The following SLC24A2 variants were observed in gnomAD, a reference collection of about 807,000 sequenced individuals.
SLC24A2 encodes the protein sodium/potassium/calcium exchanger 2.
A neutral mutation model predicts 62.0 loss-of-function variants in SLC24A2; 36 were observed. That is an observed-to-expected ratio of 0.58 (90% CI 0.44 to 0.77). The LOEUF is 0.77. SLC24A2 is among the 30% of genes least tolerant of loss of function. The pLI, the probability that SLC24A2 is intolerant of heterozygous loss-of-function variation, is 0.00. For missense variants in SLC24A2, 846 were observed against 817.9 expected, an observed-to-expected ratio of 1.03 and a Z score of -0.42; for synonymous variants, 358 against 294.0, an observed-to-expected ratio of 1.22 and a Z score of -2.23.
chr9:19,841,412 G>A, the SLC24A2 span, among the ~76,000 whole-genome samples: 1 of 152,134 alleles, frequency 6.6e-6, no homozygotes, highest in Non-Finnish European at 1.5e-5. Flanking sequence ...CTTGGTAAAA[G>A]AAGAGCAAGG....
At chr9:19,976,830 C>T in the SLC24A2 span, among the ~76,000 whole-genome samples, 1 of 152,132 alleles carries the variant, frequency 6.6e-6, no homozygotes, top group African/African-American at 2.4e-5. Context: ...CAGTATTCTG[C>T]TATTTGTCTG....
chr9:19,661,157 T>TA (rs1474591617), intron 2 of SLC24A2, among the ~76,000 whole-genome samples: 25 of 151,848 alleles, frequency 1.6e-4, no homozygotes, highest in African/African-American at 5.8e-4. Flanking sequence ...AGAAACACGG[T>TA]AAAAAATCTT....
At chr9:19,554,116 G>A (rs1391351877) in intron 7 of SLC24A2, among the ~76,000 whole-genome samples, 1 of 152,110 alleles carries the variant, frequency 6.6e-6, no homozygotes, top group Non-Finnish European at 1.5e-5. Flanking sequence ...GAGAAGATTA[G>A]GACACCTAGA....
chr9:19,745,566 T>C (rs757816450), intron 2 of SLC24A2, among the ~76,000 whole-genome samples: 16 of 152,136 alleles, frequency 1.1e-4, no homozygotes, highest in South Asian at 2.1e-4. Flanking sequence ...TCCAAGGCGA[T>C]TGTGATGGCT....
rs114801826 is a variant in SLC24A2, at chr9:19,568,107, G to A, written c.1347+5244C>T. On this transcript the variant is annotated intron_variant, in intron 7 of 10. Transcript: ENST00000341998. ...TCAGGATGCGCACCTCACTCTTAACGGAACTTGCTAAAAATACAACTCAAA... is the reference window on the plus strand; with the variant it reads ...TCAGGATGCGCACCTCACTCTTAACAGAACTTGCTAAAAATACAACTCAAA... 4.1e-3 allele frequency among the ~76,000 whole-genome samples: 620 copies of A among 152,150 alleles called. 11 individuals are homozygous for A. Among genetic ancestry groups the A allele is most frequent in the African/African-American group, 0.014 (580 of 41,488 alleles).
chr9:19,761,790 G>A (rs535828501), intron 2 of SLC24A2, among the ~76,000 whole-genome samples: 53 of 152,204 alleles, frequency 3.5e-4, no homozygotes, highest in African/African-American at 9.6e-4. Flanking sequence ...CTTCATCCAC[G>A]TCCCTACAAA....
chr9:19,979,915 C>T, the SLC24A2 span, among the ~76,000 whole-genome samples: 1 of 152,182 alleles, frequency 6.6e-6, no homozygotes, highest in East Asian at 1.9e-4. Context: ...ATGGGAATGG[C>T]TACTCACCAA....
chr9:20,233,451 T>C, the SLC24A2 span, among the ~76,000 whole-genome samples: 12 of 152,330 alleles, frequency 7.9e-5, no homozygotes, highest in Admixed American at 6.5e-4. Context: ...TAGCTCTTCT[T>C]GTTTAATTGA....
At chr9:19,960,082 G>A in the SLC24A2 span, among the ~76,000 whole-genome samples, 1 of 152,156 alleles carries the variant, frequency 6.6e-6, no homozygotes, top group South Asian at 2.1e-4. Context: ...ATAAGCTATT[G>A]GCAGTGACCT....
chr9:19,972,873 T>A, the SLC24A2 span, among the ~76,000 whole-genome samples: 1 of 152,158 alleles, frequency 6.6e-6, no homozygotes, highest in African/African-American at 2.4e-5. Context: ...GGACTCAAAC[T>A]CAAGTCTTAA....
the SLC24A2 span, among the ~76,000 whole-genome samples, chr9:20,064,512 GA>G: frequency 4.6e-5 from 7 of 151,496 alleles, no homozygotes; most frequent in African/African-American, 1.5e-4. Context: ...ATTTTTAAGG[GA>G]AAAAAAAGCC....
the SLC24A2 span, among the ~76,000 whole-genome samples, chr9:20,160,063 T>C: frequency 1.3e-5 from 2 of 151,296 alleles, no homozygotes; most frequent in Non-Finnish European, 3.0e-5. Flanking sequence ...CCTAAAACAG[T>C]AATTCATAAA....
chr9:19,757,922 C>T lies in SLC24A2; in HGVS notation c.930+28015G>A, dbSNP rs571574162. Among the ~76,000 whole-genome samples the T allele has an allele frequency of 3.9e-5, 6 of 152,196 alleles. No individual in the cohort carries two copies. In the South Asian group the frequency reaches 1.2e-3, roughly 32 times the overall value. ...TGGGTTGTTACAAAGCCAGAATGCT[C>T]CTTGGGTTTCTCTCTGCACATGTCC... is the stretch of plus-strand genomic sequence containing the variant. On this transcript the variant is annotated intron_variant, in intron 2 of 10. Transcript: ENST00000341998.
chr9:20,289,738 T>A, the SLC24A2 span, among the ~76,000 whole-genome samples: 49 of 152,216 alleles, frequency 3.2e-4, no homozygotes, highest in African/African-American at 1.0e-3. Context: ...TGAACTCCCA[T>A]CCACTAGGCC....
chr9:19,565,364 A>C (rs1030992302), intron 7 of SLC24A2, among the ~76,000 whole-genome samples: 13 of 149,160 alleles, frequency 8.7e-5, no homozygotes, highest in African/African-American at 3.2e-4. Context: ...TCCCATTCAC[A>C]ATTGCTTCAA....
At chr9:19,708,622 T>C (rs201552169) in intron 2 of SLC24A2, among the ~76,000 whole-genome samples, 4 of 152,120 alleles carry the variant, frequency 2.6e-5, no homozygotes, top group African/African-American at 4.8e-5. Flanking sequence ...ACCATCTGAT[T>C]TTTGACAAAC....
chr9:19,896,240 T>C, the SLC24A2 span, among the ~76,000 whole-genome samples: 1 of 152,156 alleles, frequency 6.6e-6, no homozygotes, highest in Non-Finnish European at 1.5e-5. Flanking sequence ...CTGTGGGTGG[T>C]GGGAAACATG....
intron 10 of SLC24A2, among the ~76,000 whole-genome samples, chr9:19,520,589 C>T (rs770957312): frequency 7.9e-5 from 12 of 152,020 alleles, no homozygotes; most frequent in Non-Finnish European, 1.5e-4. Flanking sequence ...GAAGCTATCA[C>T]GGTATCTCAG....
chr9:19,997,846 A>C, the SLC24A2 span, among the ~76,000 whole-genome samples: 107 of 152,314 alleles, frequency 7.0e-4, no homozygotes, highest in African/African-American at 2.5e-3. Context: ...CTCACTGCAA[A>C]AGAGAAGCTC....
Sources: gnomAD v4.1 joint callset for allele counts (sites outside exome capture counted in the v4.1 genomes callset) on GRCh38, gnomAD v4.1.1 for gene constraint, MANE v1.5 for transcripts, NCBI Gene and HGNC (gene_info 2026-07-23, HGNC 2026-07-21) for gene names.